SCN11A: variants seen among roughly 807,000 people sequenced by gnomAD.
The protein encoded by SCN11A is sodium channel protein type 11 subunit alpha.
SCN11A carries 122 observed loss-of-function variants against 162.2 expected under a neutral mutation model. The ratio of observed to expected loss-of-function variants is 0.75; its 90% confidence interval spans 0.65 to 0.87. The LOEUF (loss-of-function observed/expected upper bound fraction) is 0.87. Ranked by LOEUF, SCN11A falls within the 40% of genes least tolerant of loss-of-function variation. The pLI, the probability that SCN11A is intolerant of heterozygous loss-of-function variation, is 0.00. For synonymous variants in SCN11A, 758 were observed against 751.5 expected (o/e 1.01, Z -0.14); for missense variants, 2,015 against 2,181.6 (o/e 0.92, Z 1.52).
At chr3:38,941,743 C>A (rs1370204896) in intron 7 of SCN11A, among the ~76,000 whole-genome samples, 2 of 148,644 alleles carry the variant, frequency 1.3e-5, no homozygotes, top group African/African-American at 4.9e-5. Context: ...ATGATTAACA[C>A]AAAAGGAAGC....
At chr3:38,938,667 C>T (rs1326670266) in intron 7 of SCN11A, among the ~76,000 whole-genome samples, 8 of 144,832 alleles carry the variant, frequency 5.5e-5, no homozygotes, top group East Asian at 4.4e-4. Flanking sequence ...CAGGTTCAAG[C>T]GATTCTCCTG....
chr3:39,038,910 A>G (rs1350674143), intron 1 of SCN11A, among the ~76,000 whole-genome samples: 6 of 152,184 alleles, frequency 3.9e-5, no homozygotes, highest in Non-Finnish European at 8.8e-5. Context: ...CCTTCCCTCC[A>G]TTTATGACTT....
chr3:38,929,502 G>A lies in SCN11A; in HGVS notation c.489-2571C>T, dbSNP rs549251158. On this transcript the variant is annotated intron_variant, in intron 7 of 29. Coordinates refer to ENST00000302328, the MANE Select transcript of SCN11A (RefSeq NM_001349253.2). Reference sequence around the variant, plus strand: ...GATAATGTTGTGCAGCACTGTGAATGCACTTAATTCCAATAAACTTAAAAT... The same window carrying A: ...GATAATGTTGTGCAGCACTGTGAATACACTTAATTCCAATAAACTTAAAAT... 6.6e-5 allele frequency among the ~76,000 whole-genome samples: 10 copies of A among 152,280 alleles called. No individual in the cohort carries two copies. In the South Asian group the frequency reaches 1.9e-3, roughly 28 times the overall value.
intron 1 of SCN11A, among the ~76,000 whole-genome samples, chr3:39,038,566 T>C (rs2031964362): frequency 6.6e-6 from 1 of 152,216 alleles, no homozygotes; most frequent in Non-Finnish European, 1.5e-5. Context: ...GCAATTTTCC[T>C]TTATACAATC....
intron 7 of SCN11A, among the ~76,000 whole-genome samples, chr3:38,939,669 C>T (rs1401821775): frequency 1.2e-4 from 19 of 152,094 alleles, no homozygotes; most frequent in African/African-American, 3.4e-4. Flanking sequence ...TTTGGGAGGC[C>T]GAGGCGGGTG....
At chr3:39,022,108 G>T (rs978563217) in intron 2 of SCN11A, among the ~76,000 whole-genome samples, 2 of 152,106 alleles carry the variant, frequency 1.3e-5, no homozygotes, top group African/African-American at 4.8e-5. Flanking sequence ...CCTGTCTAAG[G>T]AGAAGGCACA....
chr3:38,894,470 A>G, intron 19 of SCN11A, 63 bp downstream of exon 19: 1 of 1,343,330 alleles, frequency 7.4e-7, no homozygotes, highest in South Asian at 1.4e-5. Context: ...AGGGCAGGCT[A>G]CCAGTGCCCT....
At chr3:39,036,032 A>C (rs2031896689) in intron 1 of SCN11A, among the ~76,000 whole-genome samples, 1 of 152,250 alleles carries the variant, frequency 6.6e-6, no homozygotes, top group African/African-American at 2.4e-5. Flanking sequence ...CTGGGAGGTC[A>C]CCACATTGAT....
At chr3:38,917,818 AC>A (rs2065983858) in intron 11 of SCN11A, among the ~76,000 whole-genome samples, 1 of 152,162 alleles carries the variant, frequency 6.6e-6, no homozygotes, top group Non-Finnish European at 1.5e-5. Context: ...TAAAAAGAAG[AC>A]CAGTTTGTGC....
intron 4 of SCN11A, chr3:38,950,641 A>T: frequency 2.3e-6 from 1 of 430,526 alleles, no homozygotes; most frequent in Non-Finnish European, 4.3e-6. Flanking sequence ...GTTCAGGAAC[A>T]AGTGAGCAGA....
chr3:38,942,793 A>G (rs895515563), intron 7 of SCN11A, among the ~76,000 whole-genome samples: 12 of 152,190 alleles, frequency 7.9e-5, no homozygotes, highest in Non-Finnish European at 2.9e-5. Context: ...GAAGCTAGAA[A>G]AAGAAGAGCA....
intron 10 of SCN11A, among the ~76,000 whole-genome samples, chr3:38,920,311 A>G (rs1323981603): frequency 3.9e-5 from 6 of 152,206 alleles, no homozygotes. Context: ...ATCCCATGAG[A>G]GACATCAAGA....
At position 38,975,492 on chromosome 3, in the gene SCN11A, C is replaced by CCTCGTA. The variant is rs535686381; in HGVS notation, c.-279-15075_-279-15070dup. Among the ~76,000 whole-genome samples the CCTCGTA allele has an allele frequency of 5.0e-3, 761 of 152,258 alleles. 32 individuals carry two copies. The highest frequency in any genetic ancestry group is 0.046 in the Admixed American group (698 of 15,298). ...AACAAGAATTAAAGCATTCTCAGAT[C>CCTCGTA]CTCGTACTGGTCTAATTCAGCAGGA... On this transcript the variant is annotated intron_variant, in intron 2 of 29. Coordinates refer to ENST00000302328, the MANE Select transcript of SCN11A (RefSeq NM_001349253.2).
Position 38,847,137 on chromosome 3 carries a change from C to A in SCN11A, c.4933G>T (p.Ala1645Ser). 6.2e-7 allele frequency: 1 copy of A among 1,614,190 alleles called. No homozygotes were observed. Among genetic ancestry groups the A allele is most frequent in the African/African-American group, 1.3e-5 (1 of 75,066 alleles). The change falls in exon 30 of 30, where the codon GCC (alanine) becomes TCC (serine). Residue 1645 changes from alanine to serine, a missense_variant. Coordinates refer to ENST00000302328, the MANE Select transcript of SCN11A (RefSeq NM_001349253.2). Reference sequence around the variant, plus strand: ...AAGGCATCAGCAAAGTCAGAAAGGGCAGAATATTTGATAAATTGTGTTGCT... The same window carrying A: ...AAGGCATCAGCAAAGTCAGAAAGGGAAGAATATTTGATAAATTGTGTTGCT... ...PEATQFIKYS[A>S]LSDFADALPE... is the part of the protein sequence containing the mutation.
At chr3:38,943,251 A>C (rs990999409) in intron 7 of SCN11A, among the ~76,000 whole-genome samples, 4 of 152,246 alleles carry the variant, frequency 2.6e-5, no homozygotes, top group Admixed American at 6.5e-5. Context: ...AATGTATACG[A>C]AATTCTTAAA....
At chr3:39,026,555 TA>T (rs149978547) in intron 2 of SCN11A, among the ~76,000 whole-genome samples, 5,380 of 152,238 alleles carry the variant, frequency 0.035, 309 homozygotes, top group African/African-American at 0.12. Flanking sequence ...AGACAGAAGT[TA>T]AAGCAGTGAA....
At chr3:38,877,701 G>T (rs1301608032) in intron 23 of SCN11A, among the ~76,000 whole-genome samples, 26 of 67,920 alleles carry the variant, frequency 3.8e-4, no homozygotes, top group Non-Finnish European at 6.1e-4. Context: ...TATATATATG[G>T]TATATATATG....
chr3:39,019,024 C>A (rs1276179351), intron 2 of SCN11A, among the ~76,000 whole-genome samples: 1 of 152,054 alleles, frequency 6.6e-6, no homozygotes, highest in Non-Finnish European at 1.5e-5. Flanking sequence ...AATAACCCTT[C>A]CCCAAAATTC....
At position 38,847,199 on chromosome 3, in the gene SCN11A, T is replaced by C. The variant is rs1178471098; in HGVS notation, c.4871A>G (p.Asp1624Gly). 6.2e-7 allele frequency: 1 copy of C among 1,613,986 alleles called. No homozygotes were observed. The highest frequency in any genetic ancestry group is 8.5e-7 in the Non-Finnish European group (1 of 1,179,996). ...SEDPLGEDDFDIFYEVWEKFD... is the reference protein window; with the variant it reads ...SEDPLGEDDFGIFYEVWEKFD... ...CTTTTCCCACACTTCATAAAATATG[T>C]CAAAGTCATCTTCACCCAAAGGGTC... Residue 1624 changes from aspartate (D) to glycine (G), a missense_variant, in exon 30 of 30, where the codon GAC becomes GGC. By Grantham distance (94) the Asp-to-Gly change is moderately conservative. Coordinates refer to ENST00000302328, the MANE Select transcript of SCN11A (RefSeq NM_001349253.2).
Sources: allele counts gnomAD v4.1 joint callset (sites outside exome capture counted in the v4.1 genomes callset), GRCh38; gene constraint gnomAD v4.1.1; transcripts MANE v1.5; gene names NCBI Gene and HGNC (gene_info 2026-07-23, HGNC 2026-07-21).